Variants in NHSL2 observed in about 807,000 individuals in gnomAD.
NHSL2 encodes the protein NHS like 2.
In NHSL2, 27 loss-of-function variants were observed where a neutral mutation model predicts 53.4. That is an observed-to-expected ratio of 0.51 (90% CI 0.37 to 0.70). NHSL2 has a LOEUF of 0.70. Among genes scored for constraint, NHSL2 ranks in the 30% least tolerant of loss-of-function variants. NHSL2 has a pLI of 0.00. For synonymous variants in NHSL2, 408 were observed against 404.1 expected, an observed-to-expected ratio of 1.01 and a Z score of -0.12; for missense variants, 892 against 980.1, an observed-to-expected ratio of 0.91 and a Z score of 1.20.
intron 1 of NHSL2, among the ~76,000 whole-genome samples, chrX:71,931,724 T>G (rs1020002003): frequency 1.8e-5 from 2 of 113,057 alleles, no homozygotes; most frequent in African/African-American, 6.4e-5. Context: ...CTTTGATCTA[T>G]ATGTGTATCC....
intron 1 of NHSL2, chrX:72,044,700 C>T (rs1013303896): frequency 3.8e-4 from 420 of 1,117,963 alleles, no homozygotes; most frequent in Non-Finnish European, 5.0e-4. Context: ...CAGTCAGGGA[C>T]ATTTCTGAAG....
intron 1 of NHSL2, among the ~76,000 whole-genome samples, chrX:72,116,186 A>T (rs1445584735): frequency 8.9e-6 from 1 of 111,938 alleles, no homozygotes; most frequent in Non-Finnish European, 1.9e-5. Flanking sequence ...TGAAGATTAA[A>T]TTTGTCAAGT....
chrX:71,964,876 A>AT (rs930758648), intron 1 of NHSL2, among the ~76,000 whole-genome samples: 4 of 111,532 alleles, frequency 3.6e-5, no homozygotes, highest in East Asian at 2.8e-4. Context: ...TTTATTAACT[A>AT]TTTTTTTTCA....
At chrX:72,056,994 T>G (rs769913845) in intron 1 of NHSL2, among the ~76,000 whole-genome samples, 13 of 112,649 alleles carry the variant, frequency 1.2e-4, no homozygotes, top group African/African-American at 4.2e-4. Flanking sequence ...GGCCTGATTC[T>G]GTGAACTTCA....
Position 72,151,511 on chromosome X carries a change from G to A in NHSL2, c.*7937G>A, listed in dbSNP as rs2042513685. 8.9e-6 allele frequency: 1 copy of A among 111,935 alleles called. No homozygotes were observed. Among genetic ancestry groups the A allele is most frequent in the African/African-American group, 3.2e-5 (1 of 30,796 alleles). 9.2% of individuals were successfully genotyped at this position (111,935 alleles called of 1,213,427 possible). On this transcript the variant is annotated 3_prime_UTR_variant, in exon 8 of 8. Coordinates refer to ENST00000633930, the MANE Select transcript of NHSL2 (RefSeq NM_001013627.3). Reference sequence around the variant, plus strand: ...CCAGACTGACTGCACAGGAGCAGGTGGAGGGGGGCTGCATATGCCAACCAT... The same window carrying A: ...CCAGACTGACTGCACAGGAGCAGGTAGAGGGGGGCTGCATATGCCAACCAT...
chrX:72,075,449 T>C (rs1183102989), intron 1 of NHSL2, among the ~76,000 whole-genome samples: 1 of 112,602 alleles, frequency 8.9e-6, no homozygotes, highest in African/African-American at 3.2e-5. Flanking sequence ...AACCACCTTG[T>C]CTTCTCTCAG....
chrX:71,920,735 CA>C (rs766650744), intron 1 of NHSL2, among the ~76,000 whole-genome samples: 23 of 108,061 alleles, frequency 2.1e-4, no homozygotes, highest in South Asian at 3.9e-4. Context: ...AAGTAAGTGA[CA>C]AAAAAAAATG....
At chrX:72,109,267 C>T (rs895020027) in intron 1 of NHSL2, among the ~76,000 whole-genome samples, 1 of 111,823 alleles carries the variant, frequency 8.9e-6, no homozygotes, top group Non-Finnish European at 1.9e-5. Flanking sequence ...AACATTAATT[C>T]GTTTAATCTT....
Position 71,911,111 on chromosome X carries a change from G to A in NHSL2, c.24G>A (p.Val8=). The A allele has an allele frequency of 9.3e-7, 1 of 1,080,081 alleles. No individual in the cohort carries two copies. Among genetic ancestry groups the A allele is most frequent in the Non-Finnish European group, 1.2e-6 (1 of 833,484 alleles). The allele number at this position is 1,080,081 out of a possible 1,213,427, so 89.0% of individuals were successfully genotyped here. Residue 8 remains valine, a synonymous_variant, in exon 1 of 8, where the codon GTG becomes GTA. Coordinates refer to ENST00000633930, the MANE Select transcript of NHSL2 (RefSeq NM_001013627.3). Reference sequence around the variant, plus strand: ...GGATGCCGTTCTACAGGCGCACGGTGGTACCCCAGCGCCTGTGCCCGCGCA... The same window carrying A: ...GGATGCCGTTCTACAGGCGCACGGTAGTACCCCAGCGCCTGTGCCCGCGCA... MPFYRRT[V]VPQRLCPRNP... is the part of the protein sequence containing the mutation.
chrX:72,049,704 T>C (rs2042328746), intron 1 of NHSL2, among the ~76,000 whole-genome samples: 1 of 108,161 alleles, frequency 9.2e-6, no homozygotes, highest in African/African-American at 3.4e-5. Flanking sequence ...GGCCCCCGGT[T>C]CTTACCTCAG....
chrX:71,922,427 A>G (rs780777186), intron 1 of NHSL2, among the ~76,000 whole-genome samples: 7 of 112,174 alleles, frequency 6.2e-5, no homozygotes, highest in Admixed American at 4.7e-4. Context: ...ATCCCTCCAT[A>G]GTGTGATCAG....
At chrX:71,964,027 G>GTGTA (rs1235148982) in intron 1 of NHSL2, among the ~76,000 whole-genome samples, 802 of 14,186 alleles carry the variant, frequency 0.057, 82 homozygotes, top group African/African-American at 0.094. Context: ...ATATATATGT[G>GTGTA]TATATATATA....
intron 1 of NHSL2, among the ~76,000 whole-genome samples, chrX:71,946,165 CAG>C (rs1305736209): frequency 1.8e-5 from 2 of 111,398 alleles, no homozygotes; most frequent in East Asian, 5.6e-4. Flanking sequence ...CATGGGAGGA[CAG>C]AGAAGGGGGA....
intron 1 of NHSL2, among the ~76,000 whole-genome samples, chrX:72,060,812 C>T (rs972080091): frequency 8.9e-6 from 1 of 112,747 alleles, no homozygotes; most frequent in Non-Finnish European, 1.9e-5. Flanking sequence ...GCTCGCTTTG[C>T]ATAGTGACAG....
At chrX:72,030,868 G>A (rs945467160) in intron 1 of NHSL2, among the ~76,000 whole-genome samples, 1 of 112,057 alleles carries the variant, frequency 8.9e-6, no homozygotes, top group African/African-American at 3.2e-5. Context: ...AAGGATTAAA[G>A]AGAGCCAAGT....
intron 1 of NHSL2, among the ~76,000 whole-genome samples, chrX:72,080,574 G>A (rs1412484426): frequency 2.6e-4 from 8 of 31,020 alleles, no homozygotes; most frequent in Non-Finnish European, 7.3e-4. Flanking sequence ...TTCTGCACGT[G>A]TGTGTGTGTG....
At chrX:72,130,661 T>C in intron 1 of NHSL2, 1 of 1,211,916 alleles carries the variant, frequency 8.3e-7, no homozygotes, top group Non-Finnish European at 1.1e-6. Flanking sequence ...AGGTCGGCCA[T>C]TTCTGTTGAC....
intron 4 of NHSL2, among the ~76,000 whole-genome samples, chrX:72,136,769 A>G (rs2042359069): frequency 8.9e-6 from 1 of 112,625 alleles, no homozygotes. Context: ...CTTCTACCTG[A>G]GCCCTACTCC....
intron 1 of NHSL2, among the ~76,000 whole-genome samples, chrX:72,049,045 A>AAGAGGAAGAG (rs1569475312): frequency 2.4e-4 from 8 of 32,844 alleles, no homozygotes; most frequent in Non-Finnish European, 7.4e-4. Context: ...AAGAGGAAGA[A>AAGAGGAAGAG]GAAGAAGAAG....
Sources: allele counts gnomAD v4.1 joint callset (sites outside exome capture counted in the v4.1 genomes callset), GRCh38; gene constraint gnomAD v4.1.1; transcripts MANE v1.5; gene names NCBI Gene and HGNC (gene_info 2026-07-23, HGNC 2026-07-21).